RABGAP1L: variants seen among roughly 807,000 people sequenced by gnomAD.
RABGAP1L encodes the protein rab GTPase-activating protein 1-like.
In RABGAP1L, 63 loss-of-function variants were observed where a neutral mutation model predicts 137.7. The observed-to-expected ratio is 0.46, with a 90% CI of 0.37 to 0.56. The LOEUF is 0.56. Among genes scored for constraint, RABGAP1L ranks in the 20% least tolerant of loss-of-function variants. RABGAP1L has a pLI of 0.00. For missense variants in RABGAP1L, 1,095 were observed against 1,244.0 expected, an observed-to-expected ratio of 0.88 and a Z score of 1.80; for synonymous variants, 431 against 433.7, an observed-to-expected ratio of 0.99 and a Z score of 0.08.
At chr1:174,926,835 G>A (rs1662916768) in intron 19 of RABGAP1L, among the ~76,000 whole-genome samples, 1 of 151,978 alleles carries the variant, frequency 6.6e-6, no homozygotes, top group South Asian at 2.1e-4. Context: ...AGCACTTTGG[G>A]AGGCCTAGGC....
At chr1:174,736,719 A>G (rs1410876408) in intron 17 of RABGAP1L, among the ~76,000 whole-genome samples, 1 of 152,202 alleles carries the variant, frequency 6.6e-6, no homozygotes. Context: ...AATCTAGGGG[A>G]AATCTGCCAA....
chr1:174,608,113 G>A (rs572967019), intron 13 of RABGAP1L, among the ~76,000 whole-genome samples: 71 of 152,288 alleles, frequency 4.7e-4, no homozygotes, highest in African/African-American at 1.7e-3. Context: ...GCAGATGTGA[G>A]TGCCCAACAA....
In RABGAP1L at chr1:174,850,428, C is replaced by T. The variant is rs991150360; in HGVS notation, c.2340+38468C>T. ...AGGGAACAGAACTGGGACTGAGGGACATTATTAGAAAGAAGTCTTGCTTTT... is the reference window on the plus strand; with the variant it reads ...AGGGAACAGAACTGGGACTGAGGGATATTATTAGAAAGAAGTCTTGCTTTT... On this transcript the variant is annotated intron_variant, in intron 19 of 25. Coordinates refer to ENST00000681986, the MANE Select transcript of RABGAP1L (RefSeq NM_001366446.1). Among the ~76,000 whole-genome samples, 13 of 152,222 alleles carry T rather than the reference C, an allele frequency of 8.5e-5. 1 individual carries two copies. Among genetic ancestry groups the T allele is most frequent in the Admixed American group, 8.5e-4 (13 of 15,280 alleles).
At chr1:174,688,386 T>C (rs1011848532) in intron 15 of RABGAP1L, among the ~76,000 whole-genome samples, 3 of 152,116 alleles carry the variant, frequency 2.0e-5, no homozygotes, top group Non-Finnish European at 4.4e-5. Context: ...TGTATACTAA[T>C]ATTGGCATTT....
chr1:174,607,239 G>A (rs1226984762), intron 13 of RABGAP1L, among the ~76,000 whole-genome samples: 1 of 152,122 alleles, frequency 6.6e-6, no homozygotes, highest in Non-Finnish European at 1.5e-5. Flanking sequence ...AAATCCTTCA[G>A]TAAAATAGAA....
intron 11 of RABGAP1L, among the ~76,000 whole-genome samples, chr1:174,314,889 A>G (rs1679224083): frequency 6.6e-6 from 1 of 152,124 alleles, no homozygotes; most frequent in South Asian, 2.1e-4. Flanking sequence ...GAATGTTTTA[A>G]AACTTATTTT....
At chr1:174,572,611 G>T (rs1668065908) in intron 13 of RABGAP1L, among the ~76,000 whole-genome samples, 1 of 152,126 alleles carries the variant, frequency 6.6e-6, no homozygotes, top group Non-Finnish European at 1.5e-5. Context: ...TCGAACTCCT[G>T]ACCTCGTGAT....
chr1:174,364,806 TG>T (rs1388715135), intron 11 of RABGAP1L, among the ~76,000 whole-genome samples: 1 of 152,102 alleles, frequency 6.6e-6, no homozygotes, highest in South Asian at 2.1e-4. Flanking sequence ...GTATCAGTGG[TG>T]GTTGTTCAGG....
intron 7 of RABGAP1L, among the ~76,000 whole-genome samples, chr1:174,258,117 C>T (rs983021756): frequency 1.3e-5 from 2 of 152,170 alleles, no homozygotes; most frequent in African/African-American, 4.8e-5. Flanking sequence ...ACCAAATTAC[C>T]TGTGATACAG....
chr1:174,771,501 A>T (rs1240081389), intron 18 of RABGAP1L, among the ~76,000 whole-genome samples: 2 of 152,222 alleles, frequency 1.3e-5, no homozygotes, highest in Non-Finnish European at 2.9e-5. Flanking sequence ...AGAACAATAT[A>T]ATAAAATTAG....
intron 13 of RABGAP1L, among the ~76,000 whole-genome samples, chr1:174,586,633 C>T (rs935059768): frequency 1.8e-4 from 27 of 152,116 alleles, no homozygotes; most frequent in African/African-American, 6.3e-4. Context: ...GTTTTACTCT[C>T]ATTGCCCAGG....
chr1:174,340,383 A>T (rs571256668), intron 11 of RABGAP1L, among the ~76,000 whole-genome samples: 37 of 152,156 alleles, frequency 2.4e-4, no homozygotes, highest in African/African-American at 8.9e-4. Context: ...TGTCACCTGG[A>T]TATGAAGCCC....
At chr1:174,280,793 C>T (rs1675456232) in intron 10 of RABGAP1L, among the ~76,000 whole-genome samples, 1 of 152,218 alleles carries the variant, frequency 6.6e-6, no homozygotes, top group South Asian at 2.1e-4. Flanking sequence ...GAATTGGTTC[C>T]TTTCAGTGGG....
rs764397258 is a variant in RABGAP1L, at chr1:174,994,942, G to T, written c.*4941G>T. The T allele has an allele frequency of 2.0e-5, 3 of 152,190 alleles. No individual in the cohort carries two copies. The highest frequency in any genetic ancestry group is 2.9e-5 in the Non-Finnish European group (2 of 68,034). The allele number at this position is 152,190 out of a possible 1,614,324, so 9.4% of individuals were successfully genotyped here. A position where few individuals can be genotyped will look rare whatever the true frequency, so the allele number is the denominator to read the frequency against. On this transcript the variant is annotated 3_prime_UTR_variant, in exon 26 of 26. Coordinates refer to ENST00000681986, the MANE Select transcript of RABGAP1L (RefSeq NM_001366446.1). The stretch of plus-strand genomic sequence containing the variant: ...CTAGAATAAAGGAGTTGATTAGTCT[G>T]AACAGTACTAATTAACTACAAAATA...
intron 13 of RABGAP1L, among the ~76,000 whole-genome samples, chr1:174,620,182 A>ATG (rs937431984): frequency 3.9e-5 from 6 of 152,184 alleles, no homozygotes; most frequent in Non-Finnish European, 8.8e-5. Context: ...CACAATAATA[A>ATG]TGGGAGACTT....
At chr1:174,930,659 G>C (rs1208494633) in intron 19 of RABGAP1L, among the ~76,000 whole-genome samples, 1 of 152,140 alleles carries the variant, frequency 6.6e-6, no homozygotes, top group African/African-American at 2.4e-5. Flanking sequence ...CAAAAGTAGA[G>C]AGAAGAGCAC....
intron 7 of RABGAP1L, among the ~76,000 whole-genome samples, chr1:174,256,437 A>C (rs1317157325): frequency 6.6e-6 from 1 of 152,116 alleles, no homozygotes; most frequent in Non-Finnish European, 1.5e-5. Context: ...CACTATGATT[A>C]CTTTTTTTCT....
chr1:174,636,311 G>GT (rs1674024805), intron 13 of RABGAP1L, among the ~76,000 whole-genome samples: 1 of 152,066 alleles, frequency 6.6e-6, no homozygotes, highest in South Asian at 2.1e-4. Flanking sequence ...GAGGTCAGGA[G>GT]TTTGAGACCA....
chr1:174,241,319 C>G (rs1038228027), intron 4 of RABGAP1L, among the ~76,000 whole-genome samples, 164 bp from the exon 5 acceptor site: 2 of 150,596 alleles, frequency 1.3e-5, no homozygotes, highest in South Asian at 2.1e-4. Flanking sequence ...AACTCTGTTT[C>G]AAACAAAACA....
Sources: allele counts gnomAD v4.1 joint callset (sites outside exome capture counted in the v4.1 genomes callset), GRCh38; gene constraint gnomAD v4.1.1; transcripts MANE v1.5; gene names NCBI Gene and HGNC (gene_info 2026-07-23, HGNC 2026-07-21).